ANKRD62: variants seen among roughly 807,000 people sequenced by gnomAD.
ANKRD62 encodes ankyrin repeat domain 62.
A neutral mutation model predicts 98.8 loss-of-function variants in ANKRD62; 61 were observed. The observed-to-expected ratio is 0.62, with a 90% CI of 0.50 to 0.76. ANKRD62 has a LOEUF of 0.76. Among genes scored for constraint, ANKRD62 ranks in the 30% least tolerant of loss-of-function variants. ANKRD62 has a pLI of 0.00. For synonymous variants in ANKRD62, 341 were observed against 367.9 expected (o/e 0.93, Z 0.84); for missense variants, 933 against 1,082.9 (o/e 0.86, Z 1.94).
At chr18:12,155,678 C>T in the ANKRD62 span, among the ~76,000 whole-genome samples, 1 of 152,204 alleles carries the variant, frequency 6.6e-6, no homozygotes, top group African/African-American at 2.4e-5. Context: ...TCTCTTAGAG[C>T]CATTTTCTTT....
chr18:12,179,436 G>A, the ANKRD62 span, among the ~76,000 whole-genome samples: 2 of 138,018 alleles, frequency 1.4e-5, no homozygotes, highest in Non-Finnish European at 3.1e-5. Context: ...TCATGACAGA[G>A]AGATGACCTT....
Position 12,112,113 on chromosome 18 carries a change from A to G in ANKRD62, c.1065-2975A>G, listed in dbSNP as rs1468196257. Among the ~76,000 whole-genome samples, 135 of 134,966 alleles carry G rather than the reference A, an allele frequency of 1.0e-3. 1 individual carries two copies. Among genetic ancestry groups the G allele is most frequent in the South Asian group, 1.5e-3 (7 of 4,546 alleles). 88.5% of individuals were successfully genotyped at this position (134,966 alleles called of 152,430 possible). A position where few individuals can be genotyped will look rare whatever the true frequency, so the allele number is the denominator to read the frequency against. ...CCGACAACAGCAAGACTCCAACTCAAAAAAAAAAAAAAAAAAAAAAGTCAT... is the reference window on the plus strand; with the variant it reads ...CCGACAACAGCAAGACTCCAACTCAGAAAAAAAAAAAAAAAAAAAAGTCAT... On this transcript the variant is annotated intron_variant, in intron 8 of 13. Transcript: ENST00000587848.
chr18:12,109,002 T>C (rs1191756967), intron 8 of ANKRD62, among the ~76,000 whole-genome samples: 2 of 152,252 alleles, frequency 1.3e-5, no homozygotes, highest in African/African-American at 4.8e-5. Flanking sequence ...TTTCACAGTC[T>C]GATGTTGAGT....
At chr18:12,162,837 T>C in the ANKRD62 span, among the ~76,000 whole-genome samples, 1 of 151,962 alleles carries the variant, frequency 6.6e-6, no homozygotes, top group Non-Finnish European at 1.5e-5. Context: ...GGTGTGTAGA[T>C]TTGTTTCTGG....
At chr18:12,094,588 A>G (rs868589315) in intron 1 of ANKRD62, among the ~76,000 whole-genome samples, 65 of 3,430 alleles carry the variant, frequency 0.019, no homozygotes, top group South Asian at 0.037. Context: ...GAGTTGGGTG[A>G]GGGACTGTGG....
chr18:12,158,706 T>TG, the ANKRD62 span, among the ~76,000 whole-genome samples: 1 of 150,488 alleles, frequency 6.6e-6, no homozygotes, highest in African/African-American at 2.4e-5. Context: ...TTTTTTTTTT[T>TG]TGTATTTTTA....
the ANKRD62 span, among the ~76,000 whole-genome samples, chr18:12,159,294 G>A: frequency 6.6e-6 from 1 of 152,024 alleles, no homozygotes; most frequent in Non-Finnish European, 1.5e-5. Context: ...AACACATACT[G>A]GTATAAAAGA....
At chr18:12,117,983 C>T (rs747020801) in intron 10 of ANKRD62, among the ~76,000 whole-genome samples, 6 of 152,128 alleles carry the variant, frequency 3.9e-5, no homozygotes, top group Non-Finnish European at 7.4e-5. Context: ...TACCCTCTAC[C>T]TGCACACATA....
chr18:12,131,561 G>C (rs138009400), downstream of ANKRD62, among the ~76,000 whole-genome samples: 1,769 of 152,160 alleles, frequency 0.012, 16 homozygotes, highest in African/African-American at 0.019. Context: ...CTATGGAACT[G>C]TCAGCTTGCA....
At chr18:12,156,354 A>G in the ANKRD62 span, among the ~76,000 whole-genome samples, 2 of 152,164 alleles carry the variant, frequency 1.3e-5, no homozygotes, top group Non-Finnish European at 2.9e-5. Flanking sequence ...TCCATAATCC[A>G]TTAGACCTCT....
chr18:12,171,830 G>T, the ANKRD62 span, among the ~76,000 whole-genome samples: 1 of 152,126 alleles, frequency 6.6e-6, no homozygotes, highest in Non-Finnish European at 1.5e-5. Context: ...TGGAGGCTTT[G>T]TTCATTTCTT....
In ANKRD62 at chr18:12,124,214, T is replaced by C. The variant is rs1393589768; in HGVS notation, c.1532T>C (p.Ile511Thr). 7.0e-7 allele frequency: 1 copy of C among 1,424,618 alleles called. No individual in the cohort carries two copies. The highest frequency in any genetic ancestry group is 2.5e-5 in the East Asian group (1 of 39,992). The allele number at this position is 1,424,618 out of a possible 1,614,324, so 88.2% of individuals were successfully genotyped here. ...LYEKDIEELK[I>T]MEEQYRTQTE... ...GAAAAAGATATAGAAGAGTTAAAAA[T>C]AATGGAAGAGCAATATAGGACACAA... is the stretch of plus-strand genomic sequence containing the variant. Residue 511 changes from isoleucine (I) to threonine (T), a missense_variant, in exon 12 of 14, where the codon ATA becomes ACA. Coordinates refer to ENST00000587848, the MANE Select transcript of ANKRD62 (RefSeq NM_001277333.2).
intron 7 of ANKRD62, among the ~76,000 whole-genome samples, chr18:12,104,958 TATA>T (rs1322141546): frequency 6.6e-6 from 1 of 152,214 alleles, no homozygotes; most frequent in African/African-American, 2.4e-5. Flanking sequence ...GGGAGAATTT[TATA>T]ATGACACAAA....
chr18:12,169,265 G>C, the ANKRD62 span, among the ~76,000 whole-genome samples: 1 of 152,100 alleles, frequency 6.6e-6, no homozygotes, highest in East Asian at 1.9e-4. Flanking sequence ...ATTGGCTGTG[G>C]GTTTATCATA....
the ANKRD62 span, among the ~76,000 whole-genome samples, chr18:12,172,270 G>A: frequency 2.0e-5 from 3 of 152,136 alleles, no homozygotes; most frequent in Non-Finnish European, 4.4e-5. Flanking sequence ...CCATCTTTGT[G>A]GTTTTATCTA....
chr18:12,152,051 C>G, the ANKRD62 span, among the ~76,000 whole-genome samples: 2 of 150,372 alleles, frequency 1.3e-5, no homozygotes, highest in African/African-American at 4.9e-5. Context: ...CAATGATGAG[C>G]TCCAAAGTTG....
chr18:12,135,296 G>T, the ANKRD62 span, among the ~76,000 whole-genome samples: 1 of 147,196 alleles, frequency 6.8e-6, no homozygotes, highest in Admixed American at 6.9e-5. Context: ...TGCGGTGTTT[G>T]GTTTTTTGTC....
chr18:12,097,548 A>G (rs4796945), intron 4 of ANKRD62, 92 bp from the exon 5 acceptor site: 822,502 of 1,302,776 alleles, frequency 0.63, 264,974 homozygotes, highest in Middle Eastern at 0.69. Flanking sequence ...TTCTACATGG[A>G]CAGGCATATT....
rs995255074 is a variant in ANKRD62 at position 12,096,055 on chromosome 18, C to T, written c.508-141C>T. The stretch of plus-strand genomic sequence containing the variant: ...GGAAGGAGCAACATGTGGGCAAGCA[C>T]AGTGGAGTGAGAAGGAAGGGATTGC... On this transcript the variant is annotated intron_variant, in intron 3 of 13. Transcript: ENST00000587848. 12 of 639,538 alleles carry T rather than the reference C, an allele frequency of 1.9e-5. No individual in the cohort carries two copies. In the African/African-American group the frequency reaches 2.2e-4, roughly 12 times the overall value. 39.6% of individuals were successfully genotyped at this position (639,538 alleles called of 1,614,324 possible).
Sources: gnomAD v4.1 joint callset for allele counts (sites outside exome capture counted in the v4.1 genomes callset) on GRCh38, gnomAD v4.1.1 for gene constraint, MANE v1.5 for transcripts, NCBI Gene and HGNC (gene_info 2026-07-23, HGNC 2026-07-21) for gene names.